Variants in WASHC4 observed in about 807,000 individuals in gnomAD.
WASHC4 encodes WASH complex subunit 7.
In WASHC4, 86 loss-of-function variants were observed where a neutral mutation model predicts 166.6. The ratio of observed to expected loss-of-function variants is 0.52; its 90% CI spans 0.43 to 0.62. The LOEUF (loss-of-function observed/expected upper bound fraction) is 0.62, where lower values mean the gene tolerates loss of function less well. Ranked by LOEUF, WASHC4 falls within the 20% of genes least tolerant of loss-of-function variation. The probability of loss-of-function intolerance (pLI) is 0.00; values close to 1 mark genes in which losing one functional copy is unlikely to be tolerated. For synonymous variants in WASHC4, 446 were observed against 451.6 expected (o/e 0.99, Z 0.16); for missense variants, 1,262 against 1,382.4 (o/e 0.91, Z 1.38).
At chr12:105,150,155 A>C (rs1056763959) in intron 25 of WASHC4, among the ~76,000 whole-genome samples, 4 of 152,212 alleles carry the variant, frequency 2.6e-5, no homozygotes, top group Non-Finnish European at 4.4e-5. Context: ...AGTATAGTAA[A>C]AATGGAGTAA....
chr12:105,132,220 G>C (rs1379669681), intron 13 of WASHC4, among the ~76,000 whole-genome samples: 3 of 152,244 alleles, frequency 2.0e-5, no homozygotes, highest in Non-Finnish European at 2.9e-5. Context: ...CCAGGCTGGA[G>C]TGCAGTGGCG....
rs1348646112 is a variant in WASHC4, at chr12:105,144,455, G to A, written c.2179G>A (p.Ala727Thr). The change falls in exon 21 of 33, where the codon GCT becomes ACT. Residue 727 changes from alanine to threonine, a missense_variant and splice_region_variant. Ala to Thr is a moderately conservative substitution (Grantham distance 58). Transcript: ENST00000332180. ...TTTCAATCGTTTCATTGACATTCGGGGTGAGTGTTTTGCTTTCCTTCTTAG... is the reference window on the plus strand; with the variant it reads ...TTTCAATCGTTTCATTGACATTCGGAGTGAGTGTTTTGCTTTCCTTCTTAG... ...RFFNRFIDIR[A>T]YVTHYLDKTF... 1.9e-6 allele frequency: 3 copies of A among 1,611,576 alleles called. No homozygotes were observed. In the African/African-American group the frequency reaches 4.0e-5, roughly 22 times the overall value.
At chr12:105,115,147 A>G (rs1399950689) in intron 4 of WASHC4, 37 bp from the exon 5 acceptor site, 5 of 1,136,732 alleles carry the variant, frequency 4.4e-6, no homozygotes, top group Admixed American at 3.4e-5. Context: ...AAACAAAACA[A>G]CCTTTAAAAT....
chr12:105,160,185 T>TTA, intron 29 of WASHC4, 37 bp downstream of exon 29: 1 of 1,530,914 alleles, frequency 6.5e-7, no homozygotes, highest in Non-Finnish European at 9.0e-7. Flanking sequence ...ATTTTTTTTT[T>TTA]AAAAAGAGTA....
intron 16 of WASHC4, 34 bp from the exon 17 acceptor site, chr12:105,140,864 TC>T: frequency 1.9e-6 from 3 of 1,602,496 alleles, no homozygotes; most frequent in Non-Finnish European, 2.6e-6. Context: ...TGTTACTGCC[TC>T]AGAAACAAAT....
chr12:105,148,082 T>C (rs1883457751), intron 24 of WASHC4: 1 of 985,332 alleles, frequency 1.0e-6, no homozygotes, highest in Non-Finnish European at 1.2e-6. Flanking sequence ...TACAGTATTA[T>C]TAAACACATT....
intron 13 of WASHC4, among the ~76,000 whole-genome samples, chr12:105,127,699 A>T (rs1881418366): frequency 6.6e-6 from 1 of 152,076 alleles, no homozygotes; most frequent in Non-Finnish European, 1.5e-5. Context: ...ATTTTTATGA[A>T]AATAGTATAT....
At chr12:105,119,955 G>T (rs942289672) in intron 7 of WASHC4, among the ~76,000 whole-genome samples, 1 of 152,152 alleles carries the variant, frequency 6.6e-6, no homozygotes, top group Non-Finnish European at 1.5e-5. Context: ...TGGAGGCTGG[G>T]CGCGGTGGCT....
chr12:105,145,269 T>C (rs1414733390), intron 22 of WASHC4, among the ~76,000 whole-genome samples: 3 of 152,002 alleles, frequency 2.0e-5, no homozygotes, highest in East Asian at 3.8e-4. Flanking sequence ...TAAATTTACA[T>C]GATTACAAAT....
chr12:105,113,910 A>AT (rs762894595), intron 2 of WASHC4, among the ~76,000 whole-genome samples: 1 of 152,052 alleles, frequency 6.6e-6, no homozygotes, highest in Non-Finnish European at 1.5e-5. Flanking sequence ...CCCCATGATC[A>AT]TAACTAATGG....
At chr12:105,154,461 T>C (rs1036604042) in intron 26 of WASHC4, among the ~76,000 whole-genome samples, 6 of 152,200 alleles carry the variant, frequency 3.9e-5, no homozygotes, top group Non-Finnish European at 7.4e-5. Context: ...CCTGCTGAAA[T>C]AATAATAATT....
intron 25 of WASHC4, among the ~76,000 whole-genome samples, chr12:105,151,537 A>G (rs1269512513): frequency 1.3e-5 from 2 of 151,638 alleles, no homozygotes; most frequent in African/African-American, 2.4e-5. Context: ...GCTGGAGTGC[A>G]GTGGCACAGT....
rs187427903 is a variant in WASHC4 at position 105,107,820 on chromosome 12, C to A, written c.20C>A (p.Ser7Tyr). The change falls in exon 1 of 33, where the codon TCC (serine) becomes TAC (tyrosine). Residue 7 changes from serine to tyrosine, a missense_variant. By Grantham distance (144) the Ser-to-Tyr change is moderately radical. Coordinates refer to ENST00000332180, the MANE Select transcript of WASHC4 (RefSeq NM_015275.3). ...GGGGTGATGGCGGTGGAGACTCTGT[C>A]CCCGGACTGGGAGTTTGACCGCGTT... The part of the protein sequence containing the change: MAVETL[S>Y]PDWEFDRVDD... The A allele has an allele frequency of 3.2e-6, 5 of 1,550,776 alleles. No individual in the cohort carries two copies. The highest frequency in any genetic ancestry group is 2.7e-5 in the African/African-American group (2 of 72,986).
Position 105,144,839 on chromosome 12 carries a change from A to G in WASHC4, c.2301A>G (p.Thr767=). The G allele has an allele frequency of 6.2e-7, 1 of 1,613,226 alleles. No individual in the cohort carries two copies. Among genetic ancestry groups the G allele is most frequent in the Non-Finnish European group, 8.5e-7 (1 of 1,179,418 alleles). ...LATQRYGLVM[T]EAHLPSQTLE... is the part of the protein sequence containing the mutation. ...CTCAGCGTTATGGACTGGTTATGAC[A>G]GAGGCACATCTTCCCAGTCAGACTT... Residue 767 remains threonine (T), a synonymous_variant, in exon 22 of 33, where the codon ACA becomes ACG. Transcript: ENST00000332180.
chr12:105,146,856 A>ATT (rs1197469675), intron 23 of WASHC4, among the ~76,000 whole-genome samples, 186 bp from the exon 24 acceptor site: 1 of 152,122 alleles, frequency 6.6e-6, no homozygotes, highest in Non-Finnish European at 1.5e-5. Context: ...GCTCAAAGGA[A>ATT]ACGCTCATTG....
In WASHC4 at chr12:105,142,446, A is replaced by C. The variant is rs779573378; in HGVS notation, c.1788-7A>C. ...TTGGTGTGACTGATTACTACTTTAC[A>C]TTGTAGAGTCCAAACACAATGTGAC... On this transcript the variant is annotated splice_polypyrimidine_tract_variant and splice_region_variant and intron_variant, in intron 18 of 32. Transcript: ENST00000332180. 3 of 1,552,942 alleles carry C rather than the reference A, an allele frequency of 1.9e-6. No individual in the cohort carries two copies. In the South Asian group the frequency reaches 3.3e-5, roughly 17 times the overall value.
At chr12:105,157,370 C>A in intron 28 of WASHC4, 48 bp downstream of exon 28, 1 of 1,076,024 alleles carries the variant, frequency 9.3e-7, no homozygotes, top group South Asian at 1.3e-5. Context: ...AAAAAACATT[C>A]TGAAGAGAAG....
intron 1 of WASHC4, among the ~76,000 whole-genome samples, chr12:105,109,609 A>G (rs1333264801): frequency 6.6e-6 from 1 of 151,524 alleles, no homozygotes; most frequent in Non-Finnish European, 1.5e-5. Flanking sequence ...TGAACATACT[A>G]AAGGAGTGAT....
At chr12:105,121,437 T>C (rs150791508) in intron 9 of WASHC4, among the ~76,000 whole-genome samples, 44 of 152,320 alleles carry the variant, frequency 2.9e-4, no homozygotes, top group African/African-American at 9.9e-4. Context: ...CTTATAGTAG[T>C]AGAAAGTTAA....
Sources: allele counts gnomAD v4.1 joint callset (sites outside exome capture counted in the v4.1 genomes callset), GRCh38; gene constraint gnomAD v4.1.1; transcripts MANE v1.5; gene names NCBI Gene and HGNC (gene_info 2026-07-23, HGNC 2026-07-21).